Variants in LDLRAD4 observed in about 807,000 individuals in gnomAD.
LDLRAD4 encodes low density lipoprotein receptor class A domain containing 4.
Under a neutral mutation model 17.0 loss-of-function variants are expected in LDLRAD4, and 5 were observed. The ratio of observed to expected loss-of-function variants is 0.29; its 90% CI spans 0.15 to 0.62. The LOEUF is 0.62. Among genes scored for constraint, LDLRAD4 ranks in the 20% least tolerant of loss-of-function variants. LDLRAD4 has a pLI of 0.84. For synonymous variants in LDLRAD4, 168 were observed against 171.8 expected, an observed-to-expected ratio of 0.98 and a Z score of 0.17; for missense variants, 340 against 424.7, an observed-to-expected ratio of 0.80 and a Z score of 1.75.
chr18:13,343,298 G>T (rs1231038364), intron 1 of LDLRAD4, among the ~76,000 whole-genome samples: 2 of 132,594 alleles, frequency 1.5e-5, no homozygotes, highest in African/African-American at 5.9e-5. Context: ...TGTTCTCATT[G>T]TTCAGTTCCC....
At chr18:13,278,417 G>A (rs765084204) in intron 1 of LDLRAD4, 2 of 152,280 alleles carry the variant, frequency 1.3e-5, no homozygotes, top group Non-Finnish European at 2.9e-5. Flanking sequence ...AGCCAGCCCT[G>A]GTGGGGGACA....
At chr18:13,431,824 G>A (rs2146046622) in intron 2 of LDLRAD4, among the ~76,000 whole-genome samples, 1 of 152,272 alleles carries the variant, frequency 6.6e-6, no homozygotes, top group South Asian at 2.1e-4. Flanking sequence ...CTTAAGATAG[G>A]ACTTTTATTA....
intron 1 of LDLRAD4, among the ~76,000 whole-genome samples, chr18:13,262,858 T>G (rs75723525): frequency 2.3e-3 from 45 of 19,760 alleles, no homozygotes; most frequent in South Asian, 5.7e-3. Flanking sequence ...CTCCGTGCGT[T>G]GGGGCTGAGT....
chr18:13,386,952 A>G (rs1568083078), intron 1 of LDLRAD4, among the ~76,000 whole-genome samples: 1 of 120,732 alleles, frequency 8.3e-6, no homozygotes, highest in African/African-American at 4.0e-5. Context: ...AGATAGATGG[A>G]TGGATGGATA....
intron 3 of LDLRAD4, among the ~76,000 whole-genome samples, chr18:13,602,390 T>A (rs2095173413): frequency 6.6e-6 from 1 of 151,962 alleles, no homozygotes; most frequent in African/African-American, 2.4e-5. Context: ...TGACTGCAAA[T>A]CCACATCCTT....
At chr18:13,567,449 A>AC (rs1204995817) in intron 3 of LDLRAD4, among the ~76,000 whole-genome samples, 3 of 151,318 alleles carry the variant, frequency 2.0e-5, no homozygotes, top group East Asian at 1.9e-4. Context: ...CACTGTCACC[A>AC]CCCCCCGCCG....
chr18:13,231,287 G>A (rs1251379742), intron 1 of LDLRAD4, among the ~76,000 whole-genome samples: 1 of 152,218 alleles, frequency 6.6e-6, no homozygotes, highest in South Asian at 2.1e-4. Flanking sequence ...CACATGGCTC[G>A]TGTGAAAGGT....
intron 1 of LDLRAD4, among the ~76,000 whole-genome samples, chr18:13,287,681 T>G (rs1359154415): frequency 6.6e-6 from 1 of 152,228 alleles, no homozygotes; most frequent in East Asian, 1.9e-4. Flanking sequence ...GATTTCACAT[T>G]GAACTTAGTG....
intron 4 of LDLRAD4, among the ~76,000 whole-genome samples, chr18:13,635,930 GC>G (rs1364887204): frequency 1.2e-5 from 1 of 85,854 alleles, no homozygotes; most frequent in Non-Finnish European, 2.1e-5. Flanking sequence ...AGACAGCTAT[GC>G]TGTGTGTGTG....
chr18:13,628,990 C>G (rs1234435596), intron 4 of LDLRAD4, among the ~76,000 whole-genome samples: 6 of 152,172 alleles, frequency 3.9e-5, no homozygotes. Flanking sequence ...GCAACCATGC[C>G]TGGCTAATTT....
At chr18:13,547,868 A>G (rs1163400544) in intron 3 of LDLRAD4, among the ~76,000 whole-genome samples, 5 of 152,112 alleles carry the variant, frequency 3.3e-5, no homozygotes, top group Admixed American at 3.3e-4. Flanking sequence ...CACCCACAAC[A>G]TGGCAAGCAG....
exon 6 of LDLRAD4, chr18:13,646,104 C>T (rs1192272020): frequency 6.5e-6 from 1 of 154,118 alleles, no homozygotes. Context: ...CGCTTTTTCT[C>T]CTAAGGTGTG....
intron 3 of LDLRAD4, among the ~76,000 whole-genome samples, chr18:13,462,757 G>A (rs889812895): frequency 2.6e-5 from 4 of 152,208 alleles, no homozygotes; most frequent in African/African-American, 4.8e-5. Context: ...AGCAGGGACA[G>A]CAAGGATGTC....
chr18:13,245,556 G>GGGAT (rs1228159983), intron 1 of LDLRAD4, among the ~76,000 whole-genome samples: 58 of 152,334 alleles, frequency 3.8e-4, no homozygotes, highest in African/African-American at 1.3e-3. Flanking sequence ...AGAAGGCTCA[G>GGGAT]GGCTGGCTCT....
intron 3 of LDLRAD4, among the ~76,000 whole-genome samples, chr18:13,566,387 A>AC (rs2094602425): frequency 7.0e-6 from 1 of 142,842 alleles, no homozygotes; most frequent in Admixed American, 7.1e-5. Context: ...TTTTTGAGAC[A>AC]GAGTCTCGCT....
chr18:13,342,464 T>TG (rs1166469506), intron 1 of LDLRAD4, among the ~76,000 whole-genome samples: 1 of 145,914 alleles, frequency 6.9e-6, no homozygotes, highest in Non-Finnish European at 1.5e-5. Context: ...CTGTGGTTCC[T>TG]GGGCCTTCCT....
chr18:13,271,053 G>A (rs1488465627), intron 1 of LDLRAD4, among the ~76,000 whole-genome samples: 1 of 152,140 alleles, frequency 6.6e-6, no homozygotes, highest in Non-Finnish European at 1.5e-5. Flanking sequence ...TAATGGAGGA[G>A]AACGACCAAT....
At chr18:13,508,048 A>T (rs1292048693) in intron 3 of LDLRAD4, among the ~76,000 whole-genome samples, 1 of 149,346 alleles carries the variant, frequency 6.7e-6, no homozygotes, top group Non-Finnish European at 1.5e-5. Context: ...CACAAATGAT[A>T]AGAAAGCAAA....
chr18:13,523,648 A>G (rs2093986956), intron 3 of LDLRAD4, among the ~76,000 whole-genome samples: 2 of 151,960 alleles, frequency 1.3e-5, no homozygotes, highest in African/African-American at 4.8e-5. Flanking sequence ...GCGTCTCCCC[A>G]TTTCCTTGCT....
Sources: gnomAD v4.1 joint callset for allele counts (sites outside exome capture counted in the v4.1 genomes callset) on GRCh38, gnomAD v4.1.1 for gene constraint, MANE v1.5 for transcripts, NCBI Gene and HGNC (gene_info 2026-07-23, HGNC 2026-07-21) for gene names.